Variants in CFAP46 observed in about 807,000 individuals in gnomAD.
The protein encoded by CFAP46 is cilia- and flagella-associated protein 46.
In CFAP46, 245 loss-of-function variants were observed where a neutral mutation model predicts 325.7. That is an observed-to-expected ratio of 0.75 (90% CI 0.68 to 0.84). The LOEUF (loss-of-function observed/expected upper bound fraction) is 0.84, where lower values mean the gene tolerates loss of function less well. Among genes scored for constraint, CFAP46 ranks in the 40% least tolerant of loss-of-function variants. The pLI is 0.00. For synonymous variants in CFAP46, 1,523 were observed against 1,495.9 expected (o/e 1.02, Z -0.42); for missense variants, 3,346 against 3,543.0 (o/e 0.94, Z 1.41).
chr10:132,929,836 C>CAATAGGGGGCACAGCA, intron 8 of CFAP46, 32 bp from the exon 9 acceptor site: 1 of 1,529,514 alleles, frequency 6.5e-7, no homozygotes, highest in Non-Finnish European at 9.0e-7. Flanking sequence ...AGCACCGGCT[C>CAATAGGGGGCACAGCA]AATAGGGGGC....
chr10:132,938,671 G>A lies in CFAP46; in HGVS notation c.454C>T (p.Leu152=), dbSNP rs1308258324. 3.7e-5 allele frequency: 60 copies of A among 1,613,650 alleles called. No homozygotes were observed. Among genetic ancestry groups the A allele is most frequent in the Non-Finnish European group, 4.8e-5 (57 of 1,179,966 alleles). ...PFLKPGYRHH[L]IPSLSQIINV... ...ATGATTTGGGAAAGGCTGGGGATCA[G>A]ATGGTGACGATATCCAGGCTTGAGG... Residue 152 remains leucine (L), a synonymous_variant, in exon 5 of 58, where the codon CTG becomes TTG. Coordinates refer to ENST00000368586, the MANE Select transcript of CFAP46 (RefSeq NM_001200049.3).
Position 132,880,902 on chromosome 10 carries a change from T to C in CFAP46, c.3758A>G (p.Lys1253Arg). ...TGGCTCAGGGACATCGCCGGGCGGCTTCATGGCCAGCAGGATCTCGACAGC... is the reference window on the plus strand; with the variant it reads ...TGGCTCAGGGACATCGCCGGGCGGCCTCATGGCCAGCAGGATCTCGACAGC... Reference protein sequence around the residue: ...RWAVEILLAMKPPGDVPEPQP... With the variant: ...RWAVEILLAMRPPGDVPEPQP... Residue 1253 changes from lysine (K) to arginine (R), a missense_variant, in exon 28 of 58, where the codon AAG (lysine) becomes AGG (arginine). Lys to Arg is a conservative substitution (Grantham distance 26). Transcript: ENST00000368586. The C allele has an allele frequency of 6.5e-7, 1 of 1,550,194 alleles. No individual in the cohort carries two copies. Among genetic ancestry groups the C allele is most frequent in the Non-Finnish European group, 8.7e-7 (1 of 1,146,958 alleles).
At chr10:132,820,715 CTGA>C (rs1437596387) in intron 50 of CFAP46, among the ~76,000 whole-genome samples, 1 of 110,738 alleles carries the variant, frequency 9.0e-6, no homozygotes, top group African/African-American at 3.1e-5. Flanking sequence ...TGTGTGTGCG[CTGA>C]TGTGTGCTGT....
chr10:132,814,490 G>A lies in CFAP46; in HGVS notation c.7285+87C>T, dbSNP rs569634186. On this transcript the variant is annotated intron_variant, in intron 53 of 57. Coordinates refer to ENST00000368586, the MANE Select transcript of CFAP46 (RefSeq NM_001200049.3). ...GCAGATTTCGGAGCCTCGAGGAGTG[G>A]GGCACCAGTTGCTGCCCACAACTGC... 1.3e-5 allele frequency: 20 copies of A among 1,484,530 alleles called. No homozygotes were observed. In the Admixed American group the frequency reaches 3.8e-4, roughly 29 times the overall value. The allele number at this position is 1,484,530 out of a possible 1,614,324, so 92.0% of individuals were successfully genotyped here.
Position 132,847,428 on chromosome 10 carries a change from C to T in CFAP46, c.5953-107G>A. 7.2e-7 allele frequency: 1 copy of T among 1,386,348 alleles called. No homozygotes were observed. The highest frequency in any genetic ancestry group is 1.3e-5 in the South Asian group (1 of 78,814). The allele number at this position is 1,386,348 out of a possible 1,614,324, so 85.9% of individuals were successfully genotyped here. On this transcript the variant is annotated intron_variant, in intron 41 of 57. Transcript: ENST00000368586. The surrounding 1 kb of genome is among the most constrained non-coding windows in gnomAD (Gnocchi z 5.2). ...GGTGGTCGGGCTCCTCAGCAGGGTC[C>T]CCGGGTAGGGGGTACCGCAGGCCAC... is the stretch of plus-strand genomic sequence containing the variant.
Position 132,834,154 on chromosome 10 carries a change from GA to G in CFAP46, c.6867-32del, listed in dbSNP as rs1848199057. 3 of 1,606,306 alleles carry G rather than the reference GA, an allele frequency of 1.9e-6. No homozygotes were observed. In the African/African-American group the frequency reaches 4.0e-5, roughly 21 times the overall value. Reference sequence around the variant, plus strand: ...AGTCAGGTTATATATTCGGGTTTAAGAAACAGAGATAACAAACGCTTGGAAT... The same window carrying G: ...AGTCAGGTTATATATTCGGGTTTAAGAACAGAGATAACAAACGCTTGGAAT... On this transcript the variant is annotated intron_variant, in intron 48 of 57. Coordinates refer to ENST00000368586, the MANE Select transcript of CFAP46 (RefSeq NM_001200049.3).
intron 44 of CFAP46, among the ~76,000 whole-genome samples, chr10:132,843,889 T>C (rs12246500): frequency 2.6e-3 from 205 of 78,454 alleles, no homozygotes; most frequent in Middle Eastern, 0.012. Context: ...GTGGGTGTTC[T>C]CAGGGTGCTG....
At position 132,821,481 on chromosome 10, in the gene CFAP46, C is replaced by CTTT. The variant is rs1565035367; in HGVS notation, c.7118-6568_7118-6567insAAA. On this transcript the variant is annotated intron_variant, in intron 50 of 57. Transcript: ENST00000368586. ...TGTGTGCTGATGTGTGTTGTGTGTG[C>CTTT]TGTGTGAGTGCTGATGTGTGCTGTG... Among the ~76,000 whole-genome samples the CTTT allele has an allele frequency of 5.6e-3, 714 of 126,564 alleles. 13 individuals carry two copies. Among genetic ancestry groups the CTTT allele is most frequent in the African/African-American group, 0.02 (626 of 30,990 alleles). The allele number at this position is 126,564 out of a possible 152,430, so 83.0% of individuals were successfully genotyped here.
chr10:132,875,890 C>T (rs1418520377), intron 31 of CFAP46, among the ~76,000 whole-genome samples: 1 of 152,210 alleles, frequency 6.6e-6, no homozygotes, highest in Non-Finnish European at 1.5e-5. Flanking sequence ...ATTAAAACTA[C>T]TAATCCCTGT....
chr10:132,852,640 G>A (rs1310458458), intron 39 of CFAP46, among the ~76,000 whole-genome samples: 1 of 152,188 alleles, frequency 6.6e-6, no homozygotes, highest in Non-Finnish European at 1.5e-5. Flanking sequence ...GACATTCTCA[G>A]ATCCTGATCC....
intron 45 of CFAP46, among the ~76,000 whole-genome samples, chr10:132,836,443 C>T (rs192880583): frequency 7.9e-5 from 12 of 152,284 alleles, no homozygotes; most frequent in Admixed American, 2.6e-4. Flanking sequence ...CACTTGGCCA[C>T]GGCCAGTGAG....
At chr10:132,891,008 T>G (rs1353069249) in intron 25 of CFAP46, among the ~76,000 whole-genome samples, 2 of 152,216 alleles carry the variant, frequency 1.3e-5, no homozygotes, top group Non-Finnish European at 2.9e-5. Context: ...TAAACATGAA[T>G]TGGTATTCTA....
rs759690344 is a variant in CFAP46 at position 132,922,723 on chromosome 10, T to C, written c.1257-15A>G. ...GCGTCATGAGGCTGCGGGGGTGGCGTGGCATCAGGGGCCCTGGCGGCGCTG... is the reference window on the plus strand; with the variant it reads ...GCGTCATGAGGCTGCGGGGGTGGCGCGGCATCAGGGGCCCTGGCGGCGCTG... On this transcript the variant is annotated splice_polypyrimidine_tract_variant and intron_variant, in intron 11 of 57. Transcript: ENST00000368586. The C allele has an allele frequency of 1.3e-6, 2 of 1,538,504 alleles. No homozygotes were observed. Among genetic ancestry groups the C allele is most frequent in the African/African-American group, 2.7e-5 (2 of 72,814 alleles).
intron 43 of CFAP46, 74 bp from the exon 44 acceptor site, chr10:132,846,301 C>T (rs968211430): frequency 1.5e-5 from 23 of 1,505,154 alleles, no homozygotes; most frequent in East Asian, 7.1e-5. Flanking sequence ...GCGGAGGGTG[C>T]GCAGCAGCTG....
At chr10:132,878,737 G>C in intron 29 of CFAP46, among the ~76,000 whole-genome samples, 1 of 152,198 alleles carries the variant, frequency 6.6e-6, no homozygotes, top group East Asian at 1.9e-4. Flanking sequence ...GGGCCTCCCT[G>C]CCTTTCCTGC....
chr10:132,833,629 C>A, intron 49 of CFAP46, 104 bp from the exon 50 acceptor site: 1 of 1,286,730 alleles, frequency 7.8e-7, no homozygotes, highest in Admixed American at 2.1e-5. Context: ...CTGGGAAAGG[C>A]TGGCAGCCCG....
chr10:132,934,960 C>T, intron 7 of CFAP46, 98 bp from the exon 8 acceptor site: 1 of 824,108 alleles, frequency 1.2e-6, no homozygotes. Context: ...GTGTTTCTCA[C>T]TGAAGAGGAG....
At chr10:132,878,646 G>A (rs1335924705) in intron 29 of CFAP46, among the ~76,000 whole-genome samples, 3 of 152,200 alleles carry the variant, frequency 2.0e-5, no homozygotes, top group East Asian at 1.9e-4. Context: ...GAATGGCAGC[G>A]TGGGCGCCCA....
In CFAP46 at chr10:132,851,125, C is replaced by A; in HGVS notation, c.5755G>T (p.Val1919Phe). 6.2e-7 allele frequency: 1 copy of A among 1,613,864 alleles called. No individual in the cohort carries two copies. Among genetic ancestry groups the A allele is most frequent in the Non-Finnish European group, 8.5e-7 (1 of 1,179,988 alleles). ...YLQNTSDYTS[V>F]GLQWFTLKRT... Reference sequence around the variant, plus strand: ...GTGACCCCAGCAATTACCAGGCCGACGGAAGTGTAGTCACTGGTGTTCTGC... The same window carrying A: ...GTGACCCCAGCAATTACCAGGCCGAAGGAAGTGTAGTCACTGGTGTTCTGC... Residue 1919 changes from valine (V) to phenylalanine (F), a missense_variant, in exon 40 of 58, where the codon GTC becomes TTC. Transcript: ENST00000368586.
Sources: allele counts gnomAD v4.1 joint callset (sites outside exome capture counted in the v4.1 genomes callset), GRCh38; gene constraint gnomAD v4.1.1; non-coding constraint Gnocchi (gnomAD v3.1); transcripts MANE v1.5; gene names NCBI Gene and HGNC (gene_info 2026-07-23, HGNC 2026-07-21).